Variants in TEX36 observed in about 807,000 individuals in gnomAD.
The protein encoded by TEX36 is testis expressed 36, also known as testis-expressed protein 36.
In TEX36, 12 loss-of-function variants were observed where a neutral mutation model predicts 13.6. The observed-to-expected ratio is 0.88, with a 90% CI of 0.56 to 1.43. TEX36 has a LOEUF of 1.43. Among genes scored for constraint, TEX36 ranks in the 40% most tolerant of loss-of-function variants. The pLI, the probability that TEX36 is intolerant of heterozygous loss-of-function variation, is 0.00. For missense variants in TEX36, 224 were observed against 228.3 expected (o/e 0.98, Z 0.12); for synonymous variants, 93 against 83.0 (o/e 1.12, Z -0.65).
intron 3 of TEX36, among the ~76,000 whole-genome samples, chr10:125,642,131 G>GGAGA (rs1458762464): frequency 6.6e-6 from 1 of 152,176 alleles, no homozygotes; most frequent in African/African-American, 2.4e-5. Flanking sequence ...GGCAGAGAAA[G>GGAGA]GAGAGAAGAG....
At chr10:125,585,437 C>T (rs987029872) in intron 3 of TEX36, among the ~76,000 whole-genome samples, 3 of 152,168 alleles carry the variant, frequency 2.0e-5, no homozygotes, top group African/African-American at 7.2e-5. Context: ...AGCAAGGTCT[C>T]TTCAACCTTC....
chr10:125,648,317 G>A lies in TEX36; in HGVS notation c.264+12704C>T, dbSNP rs568039362. ...TCTGAGATGAAGCTTCCAGAGGAAG[G>A]ATCAGGCAACAACATTTGCCGTTCT... On this transcript the variant is annotated intron_variant, in intron 3 of 3. Coordinates refer to the TEX36 transcript ENST00000526819. 6.6e-5 allele frequency among the ~76,000 whole-genome samples: 10 copies of A among 152,290 alleles called. No individual in the cohort carries two copies. The South Asian group carries it at 1.9e-3, about 28-fold the overall frequency.
chr10:125,593,448 T>C (rs1846046640), intron 3 of TEX36, among the ~76,000 whole-genome samples: 1 of 152,218 alleles, frequency 6.6e-6, no homozygotes, highest in Admixed American at 6.5e-5. Context: ...ACAACATGAG[T>C]AGCTTCTCTA....
downstream of TEX36, among the ~76,000 whole-genome samples, chr10:125,619,818 G>A (rs149194715): frequency 4.9e-3 from 743 of 152,074 alleles, 7 homozygotes; most frequent in African/African-American, 0.017. Flanking sequence ...GCCTCCCAAA[G>A]TGCTGGGATT....
chr10:125,646,852 G>A (rs968683389), intron 3 of TEX36, among the ~76,000 whole-genome samples: 3 of 152,118 alleles, frequency 2.0e-5, no homozygotes, highest in African/African-American at 7.2e-5. Flanking sequence ...GCCAAGATTT[G>A]CACCCGAAAA....
downstream of TEX36, among the ~76,000 whole-genome samples, chr10:125,618,367 T>C (rs1343460194): frequency 6.6e-6 from 1 of 152,196 alleles, no homozygotes; most frequent in Non-Finnish European, 1.5e-5. Flanking sequence ...GGCGCTCTGC[T>C]TTTTAGAGTT....
intron 3 of TEX36, among the ~76,000 whole-genome samples, chr10:125,600,362 G>C (rs1167258806): frequency 6.6e-6 from 1 of 152,070 alleles, no homozygotes; most frequent in African/African-American, 2.4e-5. Context: ...TGGGTGGGCA[G>C]ACTCAAAGAG....
At chr10:125,582,642 C>T (rs1012176953) in intron 3 of TEX36, among the ~76,000 whole-genome samples, 6 of 152,182 alleles carry the variant, frequency 3.9e-5, no homozygotes, top group Non-Finnish European at 7.3e-5. Flanking sequence ...CACCTAAAGG[C>T]ACCAATTCAT....
At chr10:125,660,918 G>T in intron 3 of TEX36, 103 bp downstream of exon 3, 1 of 987,648 alleles carries the variant, frequency 1.0e-6, no homozygotes. Context: ...TTTTGACCTT[G>T]TTCCAGTTTT....
chr10:125,625,797 G>A (rs1297386126), intron 3 of TEX36, among the ~76,000 whole-genome samples: 3 of 152,202 alleles, frequency 2.0e-5, no homozygotes, highest in Admixed American at 6.5e-5. Context: ...AGCCACTTTC[G>A]TGGCAAATAC....
intron 3 of TEX36, among the ~76,000 whole-genome samples, chr10:125,593,406 T>C (rs74162829): frequency 0.031 from 4,726 of 152,352 alleles, 253 homozygotes; most frequent in African/African-American, 0.11. Context: ...AGACTTCTCA[T>C]CCTGCTTCTG....
intron 3 of TEX36, among the ~76,000 whole-genome samples, chr10:125,641,785 T>C (rs1384610): frequency 0.28 from 43,107 of 152,058 alleles, 9,743 homozygotes; most frequent in African/African-American, 0.6. Context: ...GTAAAGTGGG[T>C]TGTTGTATTG....
At chr10:125,621,341 T>A (rs1333407389), downstream of TEX36, among the ~76,000 whole-genome samples, 1 of 151,842 alleles carries the variant, frequency 6.6e-6, no homozygotes, top group East Asian at 1.9e-4. Flanking sequence ...TTTCTCCACA[T>A]CCTCACCAAC....
At chr10:125,608,592 G>A (rs528309427) in intron 3 of TEX36, among the ~76,000 whole-genome samples, 19 of 152,240 alleles carry the variant, frequency 1.2e-4, no homozygotes, top group African/African-American at 4.6e-4. Flanking sequence ...TAGTGTCTGG[G>A]CTACGGGCTG....
At position 125,626,102 on chromosome 10, in the gene TEX36, GA is replaced by G. The variant is rs536659120; in HGVS notation, c.265-4458del. The stretch of plus-strand genomic sequence containing the variant: ...TCTTAGCCCAACTCAGGACAACTCT[GA>G]AGGGCCATTCTAGCTCAGAGCACCC... On this transcript the variant is annotated intron_variant, in intron 3 of 3. Transcript: ENST00000526819. Among the ~76,000 whole-genome samples, 418 of 152,316 alleles carry G rather than the reference GA, an allele frequency of 2.7e-3. 1 individual carries two copies. Among genetic ancestry groups the G allele is most frequent in the Admixed American group, 5.3e-3 (81 of 15,304 alleles).
downstream of TEX36, among the ~76,000 whole-genome samples, chr10:125,652,497 A>G (rs1003525106): frequency 1.3e-5 from 2 of 152,234 alleles, no homozygotes; most frequent in Admixed American, 1.3e-4. Context: ...AAGATGGATT[A>G]AAGACTTAAA....
intron 3 of TEX36, among the ~76,000 whole-genome samples, chr10:125,587,960 C>T (rs1265731305): frequency 2.0e-5 from 3 of 152,080 alleles, no homozygotes; most frequent in African/African-American, 7.2e-5. Context: ...GCTAAGGATT[C>T]CTTTTTTTGT....
At chr10:125,619,538 T>C (rs1846402318), downstream of TEX36, among the ~76,000 whole-genome samples, 1 of 152,040 alleles carries the variant, frequency 6.6e-6, no homozygotes, top group Non-Finnish European at 1.5e-5. Flanking sequence ...GATGGTGAAG[T>C]AATTTGTTTT....
intron 3 of TEX36, among the ~76,000 whole-genome samples, chr10:125,647,701 G>A (rs568130811): frequency 3.7e-5 from 5 of 134,374 alleles, no homozygotes; most frequent in African/African-American, 7.2e-5. Flanking sequence ...AGAGCAGGGC[G>A]GGGCATTGCC....
Sources: allele counts gnomAD v4.1 joint callset (sites outside exome capture counted in the v4.1 genomes callset), GRCh38; gene constraint gnomAD v4.1.1; transcripts MANE v1.5; gene names NCBI Gene and HGNC (gene_info 2026-07-23, HGNC 2026-07-21).